RPA1: variants seen among roughly 807,000 people sequenced by gnomAD.
RPA1 encodes replication protein A 70 kDa DNA-binding subunit.
In RPA1, 49 loss-of-function variants were observed where a neutral mutation model predicts 83.0. That is an observed-to-expected ratio of 0.59 (90% CI 0.47 to 0.75). The LOEUF is 0.75. Among genes scored for constraint, RPA1 ranks in the 30% least tolerant of loss-of-function variants. RPA1 has a pLI of 0.00. For synonymous variants in RPA1, 279 were observed against 281.8 expected (o/e 0.99, Z 0.10); for missense variants, 693 against 776.1 (o/e 0.89, Z 1.27).
intron 13 of RPA1, among the ~76,000 whole-genome samples, chr17:1,887,023 T>G (rs1327052807): frequency 6.6e-6 from 1 of 152,214 alleles, no homozygotes; most frequent in Non-Finnish European, 1.5e-5. Flanking sequence ...GGCCTTGCTC[T>G]GGGTTAGGCT....
At chr17:1,862,355 C>T (rs919968520) in intron 5 of RPA1, among the ~76,000 whole-genome samples, 1 of 151,668 alleles carries the variant, frequency 6.6e-6, no homozygotes, top group African/African-American at 2.4e-5. Context: ...CTCTCTTATA[C>T]CTCTCTTGTC....
intron 1 of RPA1, among the ~76,000 whole-genome samples, chr17:1,831,059 C>T (rs545111857): frequency 6.6e-6 from 1 of 152,176 alleles, no homozygotes; most frequent in Non-Finnish European, 1.5e-5. Context: ...AACCACCGCG[C>T]CTGGCCCCAA....
intron 4 of RPA1, 64 bp downstream of exon 4, chr17:1,844,750 A>C: frequency 7.8e-7 from 1 of 1,275,194 alleles, no homozygotes; most frequent in Non-Finnish European, 1.1e-6. Context: ...AGGAATAAAA[A>C]AGGCAATAGT....
chr17:1,836,825 C>T (rs1351888684), intron 1 of RPA1, among the ~76,000 whole-genome samples: 2 of 140,174 alleles, frequency 1.4e-5, no homozygotes, highest in Admixed American at 1.6e-4. Flanking sequence ...CCACTCTTGG[C>T]TAATTAAAAA....
At chr17:1,858,373 C>T in intron 5 of RPA1, 1 of 1,603,620 alleles carries the variant, frequency 6.2e-7, no homozygotes, top group Non-Finnish European at 8.5e-7. Context: ...AGACCAATTT[C>T]TGATACAGAG....
chr17:1,859,043 C>T (rs528307171), intron 5 of RPA1, among the ~76,000 whole-genome samples: 4 of 151,192 alleles, frequency 2.6e-5, no homozygotes, highest in South Asian at 2.1e-4. Flanking sequence ...GCTAGGACTA[C>T]AGGTGCCTGC....
intron 7 of RPA1, among the ~76,000 whole-genome samples, chr17:1,876,042 T>C (rs568223931): frequency 2.0e-5 from 3 of 152,304 alleles, no homozygotes; most frequent in East Asian, 3.8e-4. Flanking sequence ...TTCATTCATT[T>C]TGAAAGAATT....
intron 13 of RPA1, among the ~76,000 whole-genome samples, chr17:1,885,026 T>C (rs1913941076): frequency 6.6e-6 from 1 of 152,176 alleles, no homozygotes; most frequent in African/African-American, 2.4e-5. Context: ...ACTCTTCCTT[T>C]CACAAAAGCT....
intron 5 of RPA1, among the ~76,000 whole-genome samples, chr17:1,854,926 C>T (rs1354404086): frequency 6.6e-6 from 1 of 152,172 alleles, no homozygotes; most frequent in Non-Finnish European, 1.5e-5. Context: ...GGCTCGTTAT[C>T]TTTGTCTTGT....
At chr17:1,895,172 C>T in intron 16 of RPA1, 77 bp downstream of exon 16, 2 of 1,195,764 alleles carry the variant, frequency 1.7e-6, no homozygotes, top group African/African-American at 3.0e-5. Flanking sequence ...GTGACACTCC[C>T]TGGCAGGGAG....
At chr17:1,830,591 A>T (rs1264157008) in intron 1 of RPA1, 1 of 155,696 alleles carries the variant, frequency 6.4e-6, no homozygotes, top group East Asian at 1.9e-4. Context: ...TTTTCAGCTT[A>T]CCTGAGTTCT....
chr17:1,836,839 A>T (rs1334611908), intron 1 of RPA1, among the ~76,000 whole-genome samples: 12 of 138,198 alleles, frequency 8.7e-5, no homozygotes, highest in South Asian at 4.5e-4. Context: ...TTAAAAAAAA[A>T]TTTTTTTTTT....
intron 15 of RPA1, among the ~76,000 whole-genome samples, chr17:1,892,657 A>G (rs1461406800): frequency 6.6e-6 from 1 of 152,210 alleles, no homozygotes; most frequent in African/African-American, 2.4e-5. Context: ...CCTGGTTAAA[A>G]TGCACGTATG....
rs147183955 is a variant in RPA1 at position 1,899,355 on chromosome 17, T to C, written c.*2180T>C. 6.6e-6 allele frequency: 1 copy of C among 152,558 alleles called. No individual in the cohort carries two copies. The highest frequency in any genetic ancestry group is 2.4e-5 in the African/African-American group (1 of 41,442). 9.5% of individuals were successfully genotyped at this position (152,558 alleles called of 1,614,324 possible). ...TCCTCTTTCACTTAGAGATCAATGT[T>C]GATTTTGCGTACACCATGACATCAG... On this transcript the variant is annotated 3_prime_UTR_variant, in exon 17 of 17. Coordinates refer to ENST00000254719, the MANE Select transcript of RPA1 (RefSeq NM_002945.5).
intron 1 of RPA1, among the ~76,000 whole-genome samples, chr17:1,830,415 TCTC>T (rs1267053444): frequency 1.3e-5 from 2 of 152,212 alleles, no homozygotes; most frequent in Admixed American, 6.5e-5. Context: ...TTCTGTCTCT[TCTC>T]CTTTCCCCAC....
chr17:1,839,409 T>C (rs995294926), intron 1 of RPA1, among the ~76,000 whole-genome samples: 1 of 151,178 alleles, frequency 6.6e-6, no homozygotes, highest in African/African-American at 2.4e-5. Context: ...CACTGCAACC[T>C]CCACCTCTCG....
rs183742761 is a variant in RPA1 at position 1,832,283 on chromosome 17, C to G, written c.33+2157C>G. On this transcript the variant is annotated intron_variant, in intron 1 of 16. Transcript: ENST00000254719. ...GCCTGGGTGGTTCTTCACTCTTCCC[C>G]ACACTGGCAAACACTATCTTCGTAT... Among the ~76,000 whole-genome samples the G allele has an allele frequency of 2.3e-3, 356 of 152,152 alleles. 3 individuals are homozygous for G. Among genetic ancestry groups the G allele is most frequent in the Non-Finnish European group, 2.0e-3 (133 of 68,008 alleles).
At chr17:1,841,977 T>C (rs776336138) in intron 1 of RPA1, among the ~76,000 whole-genome samples, 1 of 152,158 alleles carries the variant, frequency 6.6e-6, no homozygotes, top group African/African-American at 2.4e-5. Context: ...TGTCATGACA[T>C]ATTATCCATT....
intron 15 of RPA1, 143 bp downstream of exon 15, chr17:1,892,083 C>T (rs534016740): frequency 2.3e-5 from 10 of 441,884 alleles, no homozygotes; most frequent in East Asian, 6.8e-5. Flanking sequence ...CTCAGCTCAC[C>T]GCAGTCTCCG....
Sources: allele counts gnomAD v4.1 joint callset (sites outside exome capture counted in the v4.1 genomes callset), GRCh38; gene constraint gnomAD v4.1.1; transcripts MANE v1.5; gene names NCBI Gene and HGNC (gene_info 2026-07-23, HGNC 2026-07-21).